UBA2: variants seen among roughly 807,000 people sequenced by gnomAD.
UBA2 encodes SUMO-activating enzyme subunit 2.
Under a neutral mutation model 77.2 loss-of-function variants are expected in UBA2, and 11 were observed. That is an observed-to-expected ratio of 0.14 (90% CI 0.09 to 0.24). The LOEUF (loss-of-function observed/expected upper bound fraction) is 0.24. UBA2 is among the 10% of genes least tolerant of loss of function. The pLI is 1.00. For missense variants in UBA2, 487 were observed against 781.7 expected (o/e 0.62, Z 4.50); for synonymous variants, 278 against 276.7 (o/e 1.00, Z -0.05).
intron 5 of UBA2, among the ~76,000 whole-genome samples, chr19:34,435,895 C>T (rs1482733948): frequency 2.0e-5 from 3 of 150,918 alleles, no homozygotes; most frequent in African/African-American, 4.9e-5. Context: ...CCGAAGCGAG[C>T]GGATCACCTG....
chr19:34,456,095 C>CTTTTTTTTTTTTTTTT (rs1393766434), intron 12 of UBA2, among the ~76,000 whole-genome samples: 1 of 69,624 alleles, frequency 1.4e-5, no homozygotes, highest in Non-Finnish European at 2.6e-5. Flanking sequence ...TCTTTTTTTC[C>CTTTTTTTTTTTTTTTT]TTTTCTTTTT....
intron 14 of UBA2, among the ~76,000 whole-genome samples, chr19:34,462,912 T>G (rs1417052662): frequency 6.6e-6 from 1 of 152,072 alleles, no homozygotes; most frequent in Non-Finnish European, 1.5e-5. Flanking sequence ...TTGGCCAATA[T>G]GGCAAAACCC....
At chr19:34,467,311 G>C (rs1461480965) in intron 16 of UBA2, among the ~76,000 whole-genome samples, 1 of 145,298 alleles carries the variant, frequency 6.9e-6, no homozygotes, top group East Asian at 2.0e-4. Context: ...TCTCTACAAA[G>C]AAAAAAAAAA....
At chr19:34,460,059 A>G (rs971637403) in intron 13 of UBA2, among the ~76,000 whole-genome samples, 4 of 152,182 alleles carry the variant, frequency 2.6e-5, no homozygotes, top group Non-Finnish European at 5.9e-5. Flanking sequence ...TCACTTCTCT[A>G]AATGCATGGA....
intron 7 of UBA2, among the ~76,000 whole-genome samples, chr19:34,444,469 AC>A (rs1444365741): frequency 6.6e-6 from 1 of 152,208 alleles, no homozygotes; most frequent in Non-Finnish European, 1.5e-5. Flanking sequence ...AGATCTCATG[AC>A]TGGTCTGTGC....
chr19:34,429,195 C>T (rs1033704489), intron 1 of UBA2: 3 of 985,238 alleles, frequency 3.0e-6, no homozygotes, highest in Non-Finnish European at 2.4e-6. Flanking sequence ...CCGCAGGCTG[C>T]GTGACTGTCA....
chr19:34,433,290 G>A (rs1391298841), intron 3 of UBA2, 58 bp from the exon 4 acceptor site: 7 of 1,226,472 alleles, frequency 5.7e-6, no homozygotes, highest in Non-Finnish European at 8.3e-6. Context: ...TTATTATACT[G>A]CAAAGATCAT....
Position 34,469,052 on chromosome 19 carries a change from A to G in UBA2, c.1754A>G (p.Asp585Gly). The change falls in exon 17 of 17, where the codon GAT (aspartate) becomes GGT (glycine). Residue 585 changes from aspartate (D) to glycine (G), a missense_variant. Coordinates refer to ENST00000246548, the MANE Select transcript of UBA2 (RefSeq NM_005499.3). ...TTTCTGAAATAAGCTCAAGAGCAAG[A>G]TGACGTTCTCATAGTTGATTCAGAT... ...QPSTSTAQEQ[D>G]DVLIVDSDEE... 6.2e-7 allele frequency: 1 copy of G among 1,605,774 alleles called. No individual in the cohort carries two copies. Among genetic ancestry groups the G allele is most frequent in the Non-Finnish European group, 8.5e-7 (1 of 1,177,602 alleles).
chr19:34,451,964 T>C lies in UBA2; in HGVS notation c.872-17T>C, dbSNP rs1399921556. 1.4e-6 allele frequency: 2 copies of C among 1,459,572 alleles called. No homozygotes were observed. Among genetic ancestry groups the C allele is most frequent in the Non-Finnish European group, 1.9e-6 (2 of 1,080,528 alleles). 90.4% of individuals were successfully genotyped at this position (1,459,572 alleles called of 1,614,324 possible). On this transcript the variant is annotated splice_polypyrimidine_tract_variant and intron_variant, in intron 9 of 16. Transcript: ENST00000246548. The stretch of plus-strand genomic sequence containing the variant: ...GTTAATTAGTGAAATTTCTAATATA[T>C]ATATTTTTTTCTTTAGGAGAAGAAA...
At chr19:34,430,968 G>A (rs1263846415) in intron 2 of UBA2, among the ~76,000 whole-genome samples, 1 of 152,084 alleles carries the variant, frequency 6.6e-6, no homozygotes, top group Non-Finnish European at 1.5e-5. Flanking sequence ...TATGTTTGGG[G>A]GCTAGAGGAG....
intron 1 of UBA2, chr19:34,430,014 TG>T (rs1487483277): frequency 6.6e-6 from 1 of 152,296 alleles, no homozygotes; most frequent in Non-Finnish European, 1.5e-5. Flanking sequence ...CAGGCTCCAG[TG>T]ATCCTCCACC....
At chr19:34,431,019 G>T (rs1453062921) in intron 2 of UBA2, among the ~76,000 whole-genome samples, 1 of 152,068 alleles carries the variant, frequency 6.6e-6, no homozygotes, top group Non-Finnish European at 1.5e-5. Flanking sequence ...CAGTTCCCCC[G>T]ATCTTTGTTT....
chr19:34,445,135 T>A lies in UBA2; in HGVS notation c.771+14T>A. 6.2e-7 allele frequency: 1 copy of A among 1,606,982 alleles called. No individual in the cohort carries two copies. Among genetic ancestry groups the A allele is most frequent in the Non-Finnish European group, 8.5e-7 (1 of 1,176,954 alleles). ...CTTTTTACCAAGGTTAGATTTACTTTTTTTATAATCATGGATAGATGTATT... is the reference window on the plus strand; with the variant it reads ...CTTTTTACCAAGGTTAGATTTACTTATTTTATAATCATGGATAGATGTATT... On this transcript the variant is annotated intron_variant, in intron 8 of 16. Coordinates refer to ENST00000246548, the MANE Select transcript of UBA2 (RefSeq NM_005499.3).
Position 34,469,063 on chromosome 19 carries a change from A to C in UBA2, c.1765A>C (p.Ile589Leu), listed in dbSNP as rs774257506. 1 of 1,607,798 alleles carries C rather than the reference A, an allele frequency of 6.2e-7. No homozygotes were observed. The highest frequency in any genetic ancestry group is 1.1e-5 in the South Asian group (1 of 89,560). The change falls in exon 17 of 17, where the codon ATA becomes CTA. Residue 589 changes from isoleucine (I) to leucine (L), a missense_variant. Physicochemically the swap from Ile to Leu is conservative, Grantham distance 5. Coordinates refer to ENST00000246548, the MANE Select transcript of UBA2 (RefSeq NM_005499.3). ...AGCTCAAGAGCAAGATGACGTTCTC[A>C]TAGTTGATTCAGATGAAGAAGATTC... ...STAQEQDDVLIVDSDEEDSSN... is the reference protein window; with the variant it reads ...STAQEQDDVLLVDSDEEDSSN...
In UBA2 at chr19:34,435,845, G is replaced by A. The variant is rs192822792; in HGVS notation, c.459+877G>A. 2.0e-5 allele frequency among the ~76,000 whole-genome samples: 3 copies of A among 149,422 alleles called. No individual in the cohort carries two copies. The East Asian group carries it at 6.1e-4, about 30-fold the overall frequency. ...CCATCTCAAAAAAAAAAAGCCAGGCGTGATGGCTCATGCCTGTAATCCCAG... is the reference window on the plus strand; with the variant it reads ...CCATCTCAAAAAAAAAAAGCCAGGCATGATGGCTCATGCCTGTAATCCCAG... On this transcript the variant is annotated intron_variant, in intron 5 of 16. Transcript: ENST00000246548.
chr19:34,441,077 A>G (rs2075363985), intron 6 of UBA2, among the ~76,000 whole-genome samples: 1 of 152,220 alleles, frequency 6.6e-6, no homozygotes, highest in South Asian at 2.1e-4. Context: ...AAGATAAACT[A>G]TATAGTTTTC....
At chr19:34,454,186 T>G in intron 10 of UBA2, 74 bp from the exon 11 acceptor site, 1 of 1,279,154 alleles carries the variant, frequency 7.8e-7, no homozygotes, top group Non-Finnish European at 1.1e-6. Context: ...CACGTGAAAG[T>G]ATTGTTCTGA....
intron 14 of UBA2, 108 bp downstream of exon 14, chr19:34,460,674 C>A: frequency 1.3e-6 from 1 of 773,842 alleles, no homozygotes; most frequent in Non-Finnish European, 2.0e-6. Context: ...CAGAGAGTGG[C>A]AGTGTTTGGT....
intron 5 of UBA2, among the ~76,000 whole-genome samples, chr19:34,435,339 A>T (rs1410013640): frequency 6.6e-6 from 1 of 152,204 alleles, no homozygotes; most frequent in Non-Finnish European, 1.5e-5. Context: ...CAGAGGTTGC[A>T]GTAAGCTGAG....
Sources: allele counts gnomAD v4.1 joint callset (sites outside exome capture counted in the v4.1 genomes callset), GRCh38; gene constraint gnomAD v4.1.1; transcripts MANE v1.5; gene names NCBI Gene and HGNC (gene_info 2026-07-23, HGNC 2026-07-21).